PTPRN2: variants seen among roughly 807,000 people sequenced by gnomAD.
PTPRN2 encodes the protein receptor-type tyrosine-protein phosphatase N2.
Under a neutral mutation model 118.8 loss-of-function variants are expected in PTPRN2, and 74 were observed. The ratio of observed to expected loss-of-function variants is 0.62; its 90% confidence interval spans 0.52 to 0.76. The LOEUF is 0.76. Ranked by LOEUF, PTPRN2 falls within the 30% of genes least tolerant of loss-of-function variation. The pLI, the probability that PTPRN2 is intolerant of heterozygous loss-of-function variation, is 0.00. For synonymous variants in PTPRN2, 641 were observed against 608.0 expected (o/e 1.05, Z -0.80); for missense variants, 1,481 against 1,394.4 (o/e 1.06, Z -0.99).
intron 2 of PTPRN2, among the ~76,000 whole-genome samples, chr7:158,320,888 T>C (rs145076229): frequency 1.8e-3 from 281 of 152,296 alleles, no homozygotes; most frequent in Non-Finnish European, 3.2e-3. Flanking sequence ...CAAATATGGA[T>C]ACGTGCCTAG....
intron 1 of PTPRN2, among the ~76,000 whole-genome samples, chr7:158,494,351 G>A (rs1208139364): frequency 1.3e-5 from 2 of 152,216 alleles, no homozygotes; most frequent in Admixed American, 6.5e-5. Context: ...CAGGCTTCTC[G>A]CCTGACTGCC....
intron 11 of PTPRN2, among the ~76,000 whole-genome samples, chr7:158,045,378 A>G (rs1808767918): frequency 6.6e-6 from 1 of 152,350 alleles, no homozygotes; most frequent in Admixed American, 6.5e-5. Flanking sequence ...TCACTTCTCC[A>G]TGGTAAAGAT....
At chr7:158,126,003 A>C (rs1358694128) in intron 9 of PTPRN2, among the ~76,000 whole-genome samples, 1 of 151,748 alleles carries the variant, frequency 6.6e-6, no homozygotes, top group Non-Finnish European at 1.5e-5. Flanking sequence ...CCTCTCCACC[A>C]CACCAGCCCC....
chr7:158,538,759 A>G (rs895900682), intron 1 of PTPRN2, among the ~76,000 whole-genome samples: 4 of 152,346 alleles, frequency 2.6e-5, no homozygotes, highest in African/African-American at 7.2e-5. Context: ...AGAGGAACTC[A>G]GGTCCGTGAA....
intron 2 of PTPRN2, among the ~76,000 whole-genome samples, chr7:158,330,862 G>GAGCTGACA (rs1563150426): frequency 1.7e-5 from 1 of 60,430 alleles, no homozygotes; most frequent in African/African-American, 5.8e-5. Flanking sequence ...AAGAGCTGAT[G>GAGCTGACA]CCCGCAGACG....
In PTPRN2 at chr7:157,560,629, A is replaced by C. The variant is rs374984661; in HGVS notation, c.2902+8273T>G. On this transcript the variant is annotated intron_variant, in intron 21 of 22. Coordinates refer to ENST00000389418, the MANE Select transcript of PTPRN2 (RefSeq NM_002847.5). The surrounding 1 kb of genome is among the most constrained non-coding windows in gnomAD (Gnocchi z 6.7). ...GAAGGAAAGGCACAGAAAATAAACA[A>C]CACACAGCAGAGGAGGCCCTGCTCC... Among the ~76,000 whole-genome samples, 17 of 152,234 alleles carry C rather than the reference A, an allele frequency of 1.1e-4. No individual in the cohort carries two copies. In the South Asian group the frequency reaches 1.5e-3, roughly 13 times the overall value.
At chr7:158,120,829 G>T (rs1817105556) in intron 9 of PTPRN2, among the ~76,000 whole-genome samples, 2 of 152,170 alleles carry the variant, frequency 1.3e-5, no homozygotes, top group African/African-American at 2.4e-5. Context: ...TGGGCCAGAA[G>T]GGAGGCAACA....
intron 9 of PTPRN2, among the ~76,000 whole-genome samples, chr7:158,118,043 T>C (rs1816869644): frequency 6.6e-6 from 1 of 152,174 alleles, no homozygotes; most frequent in Non-Finnish European, 1.5e-5. Flanking sequence ...ATTGTAACAG[T>C]GGTTTGTAAC....
intron 3 of PTPRN2, among the ~76,000 whole-genome samples, chr7:158,250,096 T>G (rs898645967): frequency 3.3e-5 from 5 of 152,198 alleles, no homozygotes; most frequent in Admixed American, 3.3e-4. Context: ...AGATGAATTG[T>G]TGAAGTATGG....
At position 157,977,780 on chromosome 7, in the gene PTPRN2, G is replaced by T. The variant is rs1032838261; in HGVS notation, c.1724-79043C>A. 2.6e-5 allele frequency among the ~76,000 whole-genome samples: 4 copies of T among 151,876 alleles called. No individual in the cohort carries two copies. The highest frequency in any genetic ancestry group is 7.2e-5 in the African/African-American group (3 of 41,414). ...AGAGGCTGCAGCAGGGACACTTGAAGATCTAGTGACACCTAAGAGCTCCCT... is the reference window on the plus strand; with the variant it reads ...AGAGGCTGCAGCAGGGACACTTGAATATCTAGTGACACCTAAGAGCTCCCT... On this transcript the variant is annotated intron_variant, in intron 11 of 22. Transcript: ENST00000389418. This position sits in a 1 kb window ranked among gnomAD's most constrained non-coding sequence, Gnocchi z 4.6.
chr7:157,836,739 T>C (rs1807959069), intron 12 of PTPRN2, among the ~76,000 whole-genome samples: 1 of 152,120 alleles, frequency 6.6e-6, no homozygotes, highest in East Asian at 1.9e-4. Flanking sequence ...TGACAGATAA[T>C]ATAGAAGAGG....
rs111492605 is a variant in PTPRN2 at position 158,508,621 on chromosome 7, C to T, written c.113-18836G>A. 8.6e-3 allele frequency among the ~76,000 whole-genome samples: 1,215 copies of T among 141,690 alleles called. 17 individuals are homozygous for T. The highest frequency in any genetic ancestry group is 0.03 in the African/African-American group (1,131 of 37,456). 93.0% of individuals were successfully genotyped at this position (141,690 alleles called of 152,430 possible). On this transcript the variant is annotated intron_variant, in intron 1 of 22. Transcript: ENST00000389418. Reference sequence around the variant, plus strand: ...GGGTGTCGGGGCAACGTGGGACGCTCGGAGCAGGTGCGGAAGTGGCTCCGC... The same window carrying T: ...GGGTGTCGGGGCAACGTGGGACGCTTGGAGCAGGTGCGGAAGTGGCTCCGC...
intron 3 of PTPRN2, among the ~76,000 whole-genome samples, chr7:158,230,776 A>G (rs78806634): frequency 0.035 from 5,296 of 152,306 alleles, 323 homozygotes; most frequent in African/African-American, 0.12. Flanking sequence ...GAGGAGTTAC[A>G]AAACAATGAA....
Position 157,948,758 on chromosome 7 carries a change from C to T in PTPRN2, c.1724-50021G>A, listed in dbSNP as rs1167059361. On this transcript the variant is annotated intron_variant, in intron 11 of 22. Transcript: ENST00000389418. ...TCCAAAATCTGAAAATTTTTGAGTG[C>T]CTACATGATGTTCAAAATAAATGCC... 5.3e-5 allele frequency among the ~76,000 whole-genome samples: 8 copies of T among 152,274 alleles called. No homozygotes were observed. The East Asian group carries it at 1.5e-3, about 29-fold the overall frequency.
rs2151256548 is a variant in PTPRN2 at position 157,869,341 on chromosome 7, T to G, written c.1788+29332A>C. Among the ~76,000 whole-genome samples, 1 of 152,226 alleles carries G rather than the reference T, an allele frequency of 6.6e-6. No homozygotes were observed. Among genetic ancestry groups the G allele is most frequent in the Non-Finnish European group, 1.5e-5 (1 of 68,006 alleles). ...GGGATAATTTCATTTGATGACAGAG[T>G]TACACTTAATGCCAAAGTAAAGAAA... is the stretch of plus-strand genomic sequence containing the variant. On this transcript the variant is annotated intron_variant, in intron 12 of 22. Coordinates refer to ENST00000389418, the MANE Select transcript of PTPRN2 (RefSeq NM_002847.5). This position sits in a 1 kb window ranked among gnomAD's most constrained non-coding sequence, Gnocchi z 4.2.
At chr7:157,555,250 T>C (rs899806673) in intron 21 of PTPRN2, among the ~76,000 whole-genome samples, 1 of 152,230 alleles carries the variant, frequency 6.6e-6, no homozygotes, top group Non-Finnish European at 1.5e-5. Flanking sequence ...ATTGGTTAAA[T>C]ACATTTGTAA....
intron 11 of PTPRN2, among the ~76,000 whole-genome samples, chr7:158,039,479 G>C (rs916955295): frequency 6.6e-6 from 1 of 152,150 alleles, no homozygotes; most frequent in Non-Finnish European, 1.5e-5. Context: ...CCCACATAAT[G>C]ACAGGGGATT....
At chr7:158,386,009 G>A (rs866828241) in intron 2 of PTPRN2, among the ~76,000 whole-genome samples, 3,037 of 114,878 alleles carry the variant, frequency 0.026, no homozygotes, top group Middle Eastern at 0.053. Flanking sequence ...CTCCTCCCGT[G>A]CCCCAAGTCC....
rs570441746 is a variant in PTPRN2, at chr7:158,488,350, C to T, written c.163+1385G>A. Among the ~76,000 whole-genome samples the T allele has an allele frequency of 1.9e-3, 288 of 152,230 alleles. 1 individual carries two copies. Among genetic ancestry groups the T allele is most frequent in the African/African-American group, 6.8e-3 (283 of 41,540 alleles). On this transcript the variant is annotated intron_variant, in intron 2 of 22. Transcript: ENST00000389418. ...GCTGCCGGTTCCCACTTGTCACACT[C>T]GGCACAGGAATCTCCCGAAAGAAGA... is the stretch of plus-strand genomic sequence containing the variant.
Sources: gnomAD v4.1 joint callset for allele counts (sites outside exome capture counted in the v4.1 genomes callset) on GRCh38, gnomAD v4.1.1 for gene constraint, Gnocchi (gnomAD v3.1) non-coding constraint, MANE v1.5 for transcripts, NCBI Gene and HGNC (gene_info 2026-07-23, HGNC 2026-07-21) for gene names.